The following PFKL variants were observed in gnomAD, a reference collection of about 807,000 sequenced individuals.
The protein encoded by PFKL is phosphofructokinase, liver type, also known as ATP-dependent 6-phosphofructokinase, liver type.
Under a neutral mutation model 92.1 loss-of-function variants are expected in PFKL, and 74 were observed. That is an observed-to-expected ratio of 0.80 (90% CI 0.67 to 0.97). PFKL has a LOEUF of 0.97. PFKL is among the 50% of genes least tolerant of loss of function. PFKL has a pLI of 0.00. For synonymous variants in PFKL, 494 were observed against 456.4 expected, an observed-to-expected ratio of 1.08 and a Z score of -1.05; for missense variants, 1,028 against 1,116.6, an observed-to-expected ratio of 0.92 and a Z score of 1.13.
rs1406754010 is a variant in PFKL, at chr21:44,316,659, TG to T, written c.936+136del. The stretch of plus-strand genomic sequence containing the variant: ...CTGTGGGTGAGTGTCCGTGTCTGTG[TG>T]TGGGGGTGTATGTGTGGGGGACGCG... On this transcript the variant is annotated intron_variant, in intron 9 of 21. Transcript: ENST00000349048. 2.1e-5 allele frequency: 14 copies of T among 668,612 alleles called. No homozygotes were observed. In the East Asian group the frequency reaches 3.9e-4, roughly 18 times the overall value. The allele number at this position is 668,612 out of a possible 1,614,324, so 41.4% of individuals were successfully genotyped here. A position where few individuals can be genotyped will look rare whatever the true frequency, so the allele number is the denominator to read the frequency against.
At chr21:44,309,117 A>G (rs2041040477) in intron 2 of PFKL, among the ~76,000 whole-genome samples, 1 of 150,874 alleles carries the variant, frequency 6.6e-6, no homozygotes, top group Non-Finnish European at 1.5e-5. Context: ...GGGGGAGGTC[A>G]GGGAGACCTG....
At chr21:44,311,979 C>T (rs956587411) in intron 3 of PFKL, 126 bp from the exon 4 acceptor site, 3 of 701,076 alleles carry the variant, frequency 4.3e-6, no homozygotes, top group South Asian at 3.0e-5. Flanking sequence ...GACCCCGGGG[C>T]TTCTGCCTCT....
At position 44,324,362 on chromosome 21, in the gene PFKL, C is replaced by T. The variant is rs900867638; in HGVS notation, c.1651-129C>T. ...GGAGGTGGGCCCAAGCCTGGTGCTGCTGGCTGTCTGGGTGCGTCAGCCCCA... is the reference window on the plus strand; with the variant it reads ...GGAGGTGGGCCCAAGCCTGGTGCTGTTGGCTGTCTGGGTGCGTCAGCCCCA... On this transcript the variant is annotated intron_variant, in intron 16 of 21. Transcript: ENST00000349048. 6 of 925,606 alleles carry T rather than the reference C, an allele frequency of 6.5e-6. No homozygotes were observed. In the Admixed American group the frequency reaches 7.4e-5, roughly 11 times the overall value. The allele number at this position is 925,606 out of a possible 1,614,324, so 57.3% of individuals were successfully genotyped here.
At chr21:44,321,969 G>T in intron 13 of PFKL, 94 bp downstream of exon 13, 2 of 1,488,208 alleles carry the variant, frequency 1.3e-6, no homozygotes, top group Non-Finnish European at 1.8e-6. Context: ...GGAGGTGGAG[G>T]CTGAGACCTG....
intron 10 of PFKL, among the ~76,000 whole-genome samples, chr21:44,319,097 G>A (rs1276866542): frequency 3.3e-5 from 5 of 152,146 alleles, no homozygotes; most frequent in African/African-American, 1.2e-4. Context: ...GGGGCAGAGT[G>A]CCCTGCCTGG....
intron 3 of PFKL, 52 bp downstream of exon 3, chr21:44,311,135 C>A: frequency 7.0e-7 from 1 of 1,425,854 alleles, no homozygotes; most frequent in Non-Finnish European, 9.8e-7. Flanking sequence ...CAGACAGACA[C>A]ACAGAGACAG....
At chr21:44,325,132 A>G in intron 18 of PFKL, 21 bp from the exon 19 acceptor site, 2 of 1,530,876 alleles carry the variant, frequency 1.3e-6, no homozygotes, top group Non-Finnish European at 1.8e-6. Flanking sequence ...CCGCCGACTC[A>G]GGCCCTGCTG....
At position 44,327,066 on chromosome 21, in the gene PFKL, A is replaced by G; in HGVS notation, c.*204A>G. ...TTGAGACCAGCCTGCCAGGCCCTCC[A>G]GCAGGAGGACAGAGTGCCCTGGGGC... On this transcript the variant is annotated 3_prime_UTR_variant, in exon 22 of 22. Coordinates refer to ENST00000349048, the MANE Select transcript of PFKL (RefSeq NM_002626.6). 1 of 595,840 alleles carries G rather than the reference A, an allele frequency of 1.7e-6. No homozygotes were observed. The highest frequency in any genetic ancestry group is 3.0e-6 in the Non-Finnish European group (1 of 334,158). The allele number at this position is 595,840 out of a possible 1,614,324, so 36.9% of individuals were successfully genotyped here. A position where few individuals can be genotyped will look rare whatever the true frequency, so the allele number is the denominator to read the frequency against.
chr21:44,323,163 G>A (rs995360114), intron 15 of PFKL, 114 bp downstream of exon 15: 16 of 852,914 alleles, frequency 1.9e-5, no homozygotes, highest in East Asian at 1.8e-4. Context: ...TGCAGGGGCC[G>A]AGAGGGTCGG....
At position 44,323,055 on chromosome 21, in the gene PFKL, A is replaced by G; in HGVS notation, c.1497+6A>G. The G allele has an allele frequency of 6.2e-7, 1 of 1,600,498 alleles. No homozygotes were observed. Among genetic ancestry groups the G allele is most frequent in the Admixed American group, 1.7e-5 (1 of 59,478 alleles). ...TGGTGGTCGGTGGGTTTGAGGTGAG[A>G]GCTGCCCACGGACGAAAAAGCCCCA... On this transcript the variant is annotated splice_donor_region_variant and intron_variant, in intron 15 of 21. Coordinates refer to ENST00000349048, the MANE Select transcript of PFKL (RefSeq NM_002626.6).
intron 12 of PFKL, 55 bp from the exon 13 acceptor site, chr21:44,321,674 G>A: frequency 6.8e-7 from 1 of 1,466,196 alleles, no homozygotes. Flanking sequence ...TCCTGTGCAG[G>A]TTGGGGGTCC....
chr21:44,316,048 C>CG (rs1168327333), intron 7 of PFKL, 196 bp from the exon 8 acceptor site: 7 of 598,700 alleles, frequency 1.2e-5, no homozygotes, highest in African/African-American at 1.9e-5. Context: ...TCCAGGAGGG[C>CG]GGGGCGTCCT....
chr21:44,304,259 C>T (rs926322962), intron 1 of PFKL: 4 of 1,289,112 alleles, frequency 3.1e-6, no homozygotes, highest in Non-Finnish European at 3.0e-6. Flanking sequence ...TCCTGGGGCC[C>T]CTTTGCCGTT....
Position 44,318,532 on chromosome 21 carries a change from C to T in PFKL, c.999C>T (p.Ala333=), listed in dbSNP as rs777722162. ...ALLEATPDTP[A]CVVTLSGNQS... is the part of the protein sequence containing the mutation. ...TGGAAGCCACGCCTGACACGCCGGCCTGCGTGGTCACCCTCTCGGGGAACC... is the reference window on the plus strand; with the variant it reads ...TGGAAGCCACGCCTGACACGCCGGCTTGCGTGGTCACCCTCTCGGGGAACC... The change falls in exon 10 of 22, where the codon GCC becomes GCT. Residue 333 remains alanine (A), a synonymous_variant. Transcript: ENST00000349048. The T allele has an allele frequency of 6.3e-7, 1 of 1,579,652 alleles. No individual in the cohort carries two copies. Among genetic ancestry groups the T allele is most frequent in the Non-Finnish European group, 8.6e-7 (1 of 1,157,674 alleles).
In PFKL at chr21:44,326,683, C is replaced by G. The variant is rs778499690; in HGVS notation, c.2196-32C>G. On this transcript the variant is annotated intron_variant, in intron 21 of 21. Coordinates refer to ENST00000349048, the MANE Select transcript of PFKL (RefSeq NM_002626.6). ...TGAAGAGCTGCCCTGACCCCTGACT[C>G]CCCATCATCCTCCCATCCCCGTCCT... 5 of 1,606,400 alleles carry G rather than the reference C, an allele frequency of 3.1e-6. No individual in the cohort carries two copies. In the African/African-American group the frequency reaches 6.7e-5, roughly 22 times the overall value.
chr21:44,319,380 CAAG>C lies in PFKL; in HGVS notation c.1094_1096del (p.Lys365del). 4 of 1,613,762 alleles carry C rather than the reference CAAG, an allele frequency of 2.5e-6. No homozygotes were observed. Among genetic ancestry groups the C allele is most frequent in the Non-Finnish European group, 3.4e-6 (4 of 1,179,900 alleles). ...AGGAAGTGCAGAAAGCCATGGATGA[CAAG>C]AGGTTTGACGAGGCCACCCAGCTCC... On this transcript the variant is annotated inframe_deletion, in exon 11 of 22. Coordinates refer to ENST00000349048, the MANE Select transcript of PFKL (RefSeq NM_002626.6).
chr21:44,322,956 C>T lies in PFKL; in HGVS notation c.1410-6C>T, dbSNP rs2146016335. On this transcript the variant is annotated splice_region_variant and splice_polypyrimidine_tract_variant and intron_variant, in intron 14 of 21. Transcript: ENST00000349048. ...CGTGTTCATGCGGATGTGTCTTTGA[C>T]TGCAGGACCCTGCCCAAGGGCCAGC... The T allele has an allele frequency of 6.2e-7, 1 of 1,608,534 alleles. No individual in the cohort carries two copies. The highest frequency in any genetic ancestry group is 8.5e-7 in the Non-Finnish European group (1 of 1,176,324).
intron 3 of PFKL, 120 bp downstream of exon 3, chr21:44,311,203 GAC>G (rs1157476338): frequency 8.5e-6 from 6 of 703,158 alleles, no homozygotes; most frequent in South Asian, 3.5e-5. Context: ...CACACATGCA[GAC>G]ACACAGACAT....
chr21:44,319,880 G>C (rs919290642), intron 11 of PFKL: 3 of 559,552 alleles, frequency 5.4e-6, no homozygotes, highest in Admixed American at 6.4e-5. Flanking sequence ...TGCACGGGCT[G>C]GCGTGGCCTC....
Sources: allele counts gnomAD v4.1 joint callset (sites outside exome capture counted in the v4.1 genomes callset), GRCh38; gene constraint gnomAD v4.1.1; transcripts MANE v1.5; gene names NCBI Gene and HGNC (gene_info 2026-07-23, HGNC 2026-07-21).